The following RAI1 variants were observed in gnomAD, a reference collection of about 807,000 sequenced individuals.
The protein encoded by RAI1 is retinoic acid induced 1.
In RAI1, 9 loss-of-function variants were observed where a neutral mutation model predicts 123.8. The ratio of observed to expected loss-of-function variants is 0.07; its 90% CI spans 0.04 to 0.13. RAI1 has a LOEUF of 0.13. RAI1 is among the 10% of genes least tolerant of loss of function. RAI1 has a pLI of 1.00. For missense variants in RAI1, 2,256 were observed against 2,545.8 expected (o/e 0.89, Z 2.45); for synonymous variants, 1,231 against 1,127.3 (o/e 1.09, Z -1.84).
intron 1 of RAI1, chr17:17,684,526 T>A (rs546794451): frequency 2.0e-5 from 3 of 151,928 alleles, no homozygotes; most frequent in African/African-American, 7.3e-5. Context: ...ACTACTCAAG[T>A]AACACTTGGA....
At chr17:17,725,482 T>C (rs1041151324) in intron 2 of RAI1, among the ~76,000 whole-genome samples, 16 of 152,042 alleles carry the variant, frequency 1.1e-4, no homozygotes, top group African/African-American at 3.9e-4. Flanking sequence ...GGGAAGGGAA[T>C]GCTAGCCCAG....
intron 2 of RAI1, among the ~76,000 whole-genome samples, chr17:17,743,510 C>A (rs905579352): frequency 5.3e-5 from 8 of 152,232 alleles, no homozygotes; most frequent in Admixed American, 6.5e-5. Context: ...CAGTCGCTGC[C>A]CCTGCCCGCA....
chr17:17,800,180 G>GTCTCTCTCTGTCTCTCTCTGTCTC lies in RAI1; in HGVS notation c.5565+1676_5565+1677insGTCTCTCTCTGTCTCTCTCTCTCT, dbSNP rs1555566532. Among the ~76,000 whole-genome samples the GTCTCTCTCTGTCTCTCTCTGTCTC allele has an allele frequency of 2.6e-5, 3 of 116,316 alleles. No homozygotes were observed. The highest frequency in any genetic ancestry group is 3.9e-5 in the Non-Finnish European group (2 of 51,160). The allele number at this position is 116,316 out of a possible 152,430, so 76.3% of individuals were successfully genotyped here. ...TCTCTCCTGCTTTCTGTCTCTCTCT[G>GTCTCTCTCTGTCTCTCTCTGTCTC]TCTCTCTCTCTCTCTCTCTCTCTCT... On this transcript the variant is annotated intron_variant, in intron 3 of 5. Transcript: ENST00000353383. The surrounding 1 kb of genome is among the most constrained non-coding windows in gnomAD (Gnocchi z 4.7).
intron 1 of RAI1, among the ~76,000 whole-genome samples, chr17:17,701,138 G>T (rs1222014395): frequency 6.6e-6 from 1 of 152,184 alleles, no homozygotes; most frequent in Non-Finnish European, 1.5e-5. Flanking sequence ...ATTGGGGATG[G>T]GTCTGGGCCC....
In RAI1 at chr17:17,795,523, A is replaced by G; in HGVS notation, c.2575A>G (p.Thr859Ala). Residue 859 changes from threonine to alanine, a missense_variant, in exon 3 of 6, where the codon ACC (threonine) becomes GCC (alanine). By Grantham distance (58) the Thr-to-Ala change is moderately conservative. This residue lies in a region of RAI1 where 566 missense variants were observed against 616.0 expected (regional missense o/e 0.92). Coordinates refer to ENST00000353383, the MANE Select transcript of RAI1 (RefSeq NM_030665.4). The surrounding 1 kb of genome is among the most constrained non-coding windows in gnomAD (Gnocchi z 5.9). The part of the protein sequence containing the change: ...DFGDLPLLPP[T>A]SRKEDLEAEE... ...CGGGGACCTCCCACTGCTGCCACCC[A>G]CCAGCAGGAAGGAGGACCTGGAAGC... 1.9e-6 allele frequency: 3 copies of G among 1,597,884 alleles called. No homozygotes were observed. Among genetic ancestry groups the G allele is most frequent in the East Asian group, 2.3e-5 (1 of 43,986 alleles).
At chr17:17,688,025 C>CAAAAA (rs61049701) in intron 1 of RAI1, among the ~76,000 whole-genome samples, 15,927 of 89,544 alleles carry the variant, frequency 0.18, 2,051 homozygotes, top group African/African-American at 0.24. Flanking sequence ...GACTCTGTCT[C>CAAAAA]AAAAAAAAAA....
At chr17:17,768,542 T>G (rs1321780244) in intron 2 of RAI1, among the ~76,000 whole-genome samples, 6 of 152,214 alleles carry the variant, frequency 3.9e-5, no homozygotes, top group Admixed American at 3.9e-4. Context: ...TTGCCCAGTT[T>G]ACACGCCAGA....
intron 1 of RAI1, 127 bp from the exon 2 acceptor site, chr17:17,723,901 A>C (rs1482403761): frequency 1.3e-5 from 2 of 148,690 alleles, no homozygotes; most frequent in African/African-American, 5.0e-5. Context: ...GCTGCTAAGA[A>C]GGAAACGCGG....
At chr17:17,784,168 C>T (rs2031734579) in intron 2 of RAI1, among the ~76,000 whole-genome samples, 1 of 152,186 alleles carries the variant, frequency 6.6e-6, no homozygotes, top group African/African-American at 2.4e-5. Flanking sequence ...AGGCGGCTTC[C>T]TCCCCTGGGG....
intron 4 of RAI1, among the ~76,000 whole-genome samples, chr17:17,808,788 G>C (rs988263489): frequency 1.3e-5 from 2 of 152,154 alleles, no homozygotes; most frequent in African/African-American, 2.4e-5. Context: ...TCCATGATAG[G>C]CATACAGTAG....
intron 2 of RAI1, among the ~76,000 whole-genome samples, chr17:17,745,823 AG>A (rs1360550833): frequency 1.2e-4 from 19 of 152,192 alleles, no homozygotes; most frequent in African/African-American, 4.6e-4. Flanking sequence ...AGTCCAGGCC[AG>A]GCAGGGACGG....
rs1211799917 is a variant in RAI1 at position 17,794,308 on chromosome 17, C to T, written c.1360C>T (p.Leu454Phe). Reference protein sequence around the residue: ...NISNTVQQLLLSKAAVPQKKG... With the variant: ...NISNTVQQLLFSKAAVPQKKG... ...CTCCAACACCGTCCAGCAGCTGCTG[C>T]TCTCCAAGGCTGCTGTGCCGCAGAA... is the stretch of plus-strand genomic sequence containing the variant. The change falls in exon 3 of 6, where the codon CTC (leucine) becomes TTC (phenylalanine). Residue 454 changes from leucine (L) to phenylalanine (F), a missense_variant. Physicochemically the swap from Leu to Phe is conservative, Grantham distance 22. Coordinates refer to ENST00000353383, the MANE Select transcript of RAI1 (RefSeq NM_030665.4). 5.6e-6 allele frequency: 9 copies of T among 1,613,276 alleles called. No homozygotes were observed. Among genetic ancestry groups the T allele is most frequent in the Non-Finnish European group, 7.6e-6 (9 of 1,180,048 alleles).
At chr17:17,682,759 T>C (rs796805440) in intron 1 of RAI1, among the ~76,000 whole-genome samples, 14 of 152,218 alleles carry the variant, frequency 9.2e-5, no homozygotes, top group African/African-American at 3.4e-4. Context: ...CTAGCAGTTT[T>C]CTTTCTTGGG....
At chr17:17,752,944 G>T (rs1185696882) in intron 2 of RAI1, among the ~76,000 whole-genome samples, 1 of 152,260 alleles carries the variant, frequency 6.6e-6, no homozygotes. Flanking sequence ...TGCTCGGTTT[G>T]TGTTGTTGAA....
intron 1 of RAI1, among the ~76,000 whole-genome samples, chr17:17,693,437 G>C (rs4925102): frequency 0.51 from 78,268 of 152,132 alleles, 21,412 homozygotes; most frequent in African/African-American, 0.67. Flanking sequence ...TCCCCTCCCC[G>C]TGCCCCAGGC....
rs1012418509 is a variant in RAI1, at chr17:17,793,320, A to C, written c.372A>C (p.Pro124=). ...AGAGCCTTCAGGCTTGGGGGGCCCC[A>C]CAGCCACCACCCCCACAGCCGCAGC... ...GEESLQAWGA[P]QPPPPQPQPL... The change falls in exon 3 of 6, where the codon CCA becomes CCC. Residue 124 remains proline, a synonymous_variant. Transcript: ENST00000353383. 2.3e-5 allele frequency: 37 copies of C among 1,612,238 alleles called. No homozygotes were observed. Among genetic ancestry groups the C allele is most frequent in the Non-Finnish European group, 2.9e-5 (34 of 1,179,724 alleles).
intron 2 of RAI1, among the ~76,000 whole-genome samples, chr17:17,791,612 A>G (rs1567910980): frequency 6.6e-6 from 1 of 152,198 alleles, no homozygotes; most frequent in Non-Finnish European, 1.5e-5. Context: ...TGGGCCACAC[A>G]GGCCGAGCTG....
intron 2 of RAI1, among the ~76,000 whole-genome samples, chr17:17,736,415 C>T (rs996680818): frequency 6.6e-5 from 10 of 152,168 alleles, no homozygotes; most frequent in Non-Finnish European, 1.3e-4. Context: ...AAGAGCAGGC[C>T]CAGCAGATGG....
At chr17:17,769,257 T>A (rs754190933) in intron 2 of RAI1, among the ~76,000 whole-genome samples, 2 of 152,216 alleles carry the variant, frequency 1.3e-5, no homozygotes, top group African/African-American at 2.4e-5. Context: ...CCCTCAGGGC[T>A]GGAGGTGCTG....
Sources: allele counts gnomAD v4.1 joint callset (sites outside exome capture counted in the v4.1 genomes callset), GRCh38; gene constraint gnomAD v4.1.1; regional missense constraint gnomAD v4.1.1; non-coding constraint Gnocchi (gnomAD v3.1); transcripts MANE v1.5; gene names NCBI Gene and HGNC (gene_info 2026-07-23, HGNC 2026-07-21).